SLC2A5: variants seen among roughly 807,000 people sequenced by gnomAD.
The protein encoded by SLC2A5 is solute carrier family 2 member 5.
A neutral mutation model predicts 50.3 loss-of-function variants in SLC2A5; 56 were observed. The ratio of observed to expected loss-of-function variants is 1.11; its 90% CI spans 0.90 to 1.39. The LOEUF (loss-of-function observed/expected upper bound fraction) is 1.39, where lower values mean the gene tolerates loss of function less well. Ranked by LOEUF, SLC2A5 falls within the 40% of genes most tolerant of loss-of-function variation. The probability of loss-of-function intolerance (pLI) is 0.00; values close to 1 mark genes in which losing one functional copy is unlikely to be tolerated. For synonymous variants in SLC2A5, 269 were observed against 281.9 expected (o/e 0.95, Z 0.46); for missense variants, 566 against 650.1 (o/e 0.87, Z 1.41).
chr1:9,052,147 G>A (rs1479915895), intron 3 of SLC2A5, among the ~76,000 whole-genome samples: 2 of 152,178 alleles, frequency 1.3e-5, no homozygotes, highest in Non-Finnish European at 2.9e-5. Context: ...AGCTGGGTGT[G>A]GTGGCGTGCA....
intron 1 of SLC2A5, among the ~76,000 whole-genome samples, chr1:9,061,472 G>C (rs1022492016): frequency 7.1e-6 from 1 of 141,796 alleles, no homozygotes; most frequent in African/African-American, 2.6e-5. Context: ...TGGGTGTGGT[G>C]GCACACGCCT....
chr1:9,093,273 A>G (rs1642479471), upstream of SLC2A5, among the ~76,000 whole-genome samples: 1 of 151,552 alleles, frequency 6.6e-6, no homozygotes, highest in Non-Finnish European at 1.5e-5. Flanking sequence ...CAGCAGCAAA[A>G]CTCCAGGGAC....
chr1:9,059,049 CT>C (rs1252369663), intron 1 of SLC2A5, among the ~76,000 whole-genome samples: 1 of 151,546 alleles, frequency 6.6e-6, no homozygotes, highest in Non-Finnish European at 1.5e-5. Flanking sequence ...GGTGAATCTG[CT>C]GTTGGAGAGA....
At chr1:9,047,821 G>T in intron 3 of SLC2A5, 87 bp from the exon 4 acceptor site, 1 of 1,413,196 alleles carries the variant, frequency 7.1e-7, no homozygotes, top group Non-Finnish European at 9.7e-7. Flanking sequence ...CTCTGCATAG[G>T]CTCCAGCAGT....
At position 9,047,742 on chromosome 1, in the gene SLC2A5, G is replaced by A; in HGVS notation, c.294-8C>T. 1.2e-6 allele frequency: 2 copies of A among 1,611,080 alleles called. No homozygotes were observed. Among genetic ancestry groups the A allele is most frequent in the Admixed American group, 1.7e-5 (1 of 59,294 alleles). ...AACAGCAAGGCCCCTTTTCTGCAGA[G>A]GACAAAATATCAGTTAGTTTTGCTG... On this transcript the variant is annotated splice_polypyrimidine_tract_variant and splice_region_variant and intron_variant, in intron 3 of 11. Transcript: ENST00000377424.
At chr1:9,038,068 C>G (rs371903323) in intron 10 of SLC2A5, 44 bp from the exon 11 acceptor site, 22 of 1,606,014 alleles carry the variant, frequency 1.4e-5, no homozygotes, top group Middle Eastern at 1.8e-4. Context: ...AGAGCGGGCC[C>G]GAGCATCCCA....
intron 1 of SLC2A5, among the ~76,000 whole-genome samples, chr1:9,068,859 G>T (rs1178530149): frequency 1.3e-5 from 2 of 152,188 alleles, no homozygotes; most frequent in East Asian, 3.8e-4. Context: ...CTATTGTGAT[G>T]AATAAATGCA....
chr1:9,070,827 C>G (rs938015448), upstream of SLC2A5, among the ~76,000 whole-genome samples: 1 of 151,508 alleles, frequency 6.6e-6, no homozygotes, highest in African/African-American at 2.4e-5. Context: ...AGCCTAGCAG[C>G]GTGGCCGTCT....
At chr1:9,041,470 G>T (rs1156546840) in intron 5 of SLC2A5, 19 of 1,307,790 alleles carry the variant, frequency 1.5e-5, no homozygotes, top group Non-Finnish European at 1.7e-5. Context: ...TGGCACACTG[G>T]TGGCTGTCAT....
At chr1:9,044,943 G>C (rs565844886) in intron 4 of SLC2A5, among the ~76,000 whole-genome samples, 15 of 152,278 alleles carry the variant, frequency 9.9e-5, no homozygotes, top group African/African-American at 3.6e-4. Flanking sequence ...AAAAACTGTT[G>C]GCAAATGGAT....
chr1:9,038,132 A>G, intron 10 of SLC2A5, 108 bp from the exon 11 acceptor site: 1 of 1,344,066 alleles, frequency 7.4e-7, no homozygotes, highest in Non-Finnish European at 1.0e-6. Context: ...AGGCGTCTCC[A>G]GGACTCTTGG....
Position 9,039,661 on chromosome 1 carries a change from A to T in SLC2A5, c.887T>A (p.Ile296Asn). 2.0e-6 allele frequency: 3 copies of T among 1,537,650 alleles called. No homozygotes were observed. The highest frequency in any genetic ancestry group is 2.6e-6 in the Non-Finnish European group (3 of 1,142,074). Reference protein sequence around the residue: ...GGQQLSGVNAIYYYADQIYLS... With the variant: ...GGQQLSGVNANYYYADQIYLS... ...GTAGATCTGGTCCGCGTAGTAGTAG[A>T]TCTGCAAGGCAAGCGCGGGGCTGGG... Residue 296 changes from isoleucine to asparagine, a missense_variant and splice_region_variant, in exon 8 of 12, where the codon ATC (isoleucine) becomes AAC (asparagine). By Grantham distance (149) the Ile-to-Asn change is moderately radical. Coordinates refer to ENST00000377424, the MANE Select transcript of SLC2A5 (RefSeq NM_003039.3).
chr1:9,064,926 G>A (rs983146068), intron 1 of SLC2A5, among the ~76,000 whole-genome samples: 6 of 152,034 alleles, frequency 3.9e-5, no homozygotes, highest in Non-Finnish European at 7.4e-5. Context: ...GGTGGCACAC[G>A]TCTGTAATCC....
At chr1:9,092,007 G>A (rs1401529746), upstream of SLC2A5, among the ~76,000 whole-genome samples, 1 of 152,148 alleles carries the variant, frequency 6.6e-6, no homozygotes, top group Non-Finnish European at 1.5e-5. Context: ...TTTGGAGTGA[G>A]TGGGGCTATC....
rs548363412 is a variant in SLC2A5, at chr1:9,040,653, A to T, written c.572-464T>A. 6.2e-6 allele frequency: 1 copy of T among 160,010 alleles called. No homozygotes were observed. 9.9% of individuals were successfully genotyped at this position (160,010 alleles called of 1,614,324 possible). ...TTAACATTCCACATAGAGGGGACAC[A>T]TGGGCTGGCTGCATTGGTACTGCAA... On this transcript the variant is annotated intron_variant, in intron 5 of 11. Coordinates refer to ENST00000377424, the MANE Select transcript of SLC2A5 (RefSeq NM_003039.3). This position sits in a 1 kb window ranked among gnomAD's most constrained non-coding sequence, Gnocchi z 4.3.
chr1:9,084,075 C>A (rs895183750), intron 2 of SLC2A5, among the ~76,000 whole-genome samples: 2 of 150,026 alleles, frequency 1.3e-5, no homozygotes, highest in Admixed American at 1.3e-4. Context: ...ACCTGGGAGG[C>A]GGAGATTGCA....
chr1:9,069,463 C>G, intron 1 of SLC2A5, 41 bp downstream of exon 1: 1 of 1,611,728 alleles, frequency 6.2e-7, no homozygotes, highest in East Asian at 2.2e-5. Context: ...CCCTGGCAGC[C>G]AAGCCTGCTC....
intron 1 of SLC2A5, among the ~76,000 whole-genome samples, chr1:9,060,073 TACACACACACACTAC>T: frequency 8.3e-6 from 1 of 119,946 alleles, no homozygotes; most frequent in Non-Finnish European, 1.8e-5. Context: ...ATACACACAC[TACACACACACACTAC>T]ACACACAACA....
intron 1 of SLC2A5, among the ~76,000 whole-genome samples, chr1:9,066,791 G>T (rs1642093864): frequency 6.6e-6 from 1 of 151,312 alleles, no homozygotes; most frequent in African/African-American, 2.4e-5. Flanking sequence ...GACCAGCCTG[G>T]GTATAGTGAG....
Sources: allele counts gnomAD v4.1 joint callset (sites outside exome capture counted in the v4.1 genomes callset), GRCh38; gene constraint gnomAD v4.1.1; non-coding constraint Gnocchi (gnomAD v3.1); transcripts MANE v1.5; gene names NCBI Gene and HGNC (gene_info 2026-07-23, HGNC 2026-07-21).